The following PDIA6 variants were observed in gnomAD, a reference collection of about 807,000 sequenced individuals.
PDIA6 encodes the protein protein disulfide isomerase family A member 6.
A neutral mutation model predicts 58.4 loss-of-function variants in PDIA6; 29 were observed. The observed-to-expected ratio is 0.50, with a 90% CI of 0.37 to 0.68. The LOEUF (loss-of-function observed/expected upper bound fraction) is 0.68. Among genes scored for constraint, PDIA6 ranks in the 30% least tolerant of loss-of-function variants. The pLI is 0.00. For missense variants in PDIA6, 480 were observed against 551.0 expected, an observed-to-expected ratio of 0.87 and a Z score of 1.29; for synonymous variants, 192 against 202.6, an observed-to-expected ratio of 0.95 and a Z score of 0.44.
intron 1 of PDIA6, among the ~76,000 whole-genome samples, chr2:10,827,345 G>A (rs1009988730): frequency 6.6e-6 from 1 of 152,024 alleles, no homozygotes; most frequent in Non-Finnish European, 1.5e-5. Context: ...TTACAGGTGT[G>A]AGCCACCGCA....
At chr2:10,821,003 G>A (rs1002499198) in intron 1 of PDIA6, 2 of 598,944 alleles carry the variant, frequency 3.3e-6, no homozygotes, top group Admixed American at 2.6e-5. Context: ...GGCCCAGGAC[G>A]AAGGGGAGGG....
chr2:10,801,202 T>C (rs1454614533), intron 2 of PDIA6, among the ~76,000 whole-genome samples: 1 of 152,094 alleles, frequency 6.6e-6, no homozygotes, highest in African/African-American at 2.4e-5. Flanking sequence ...TACCTGAGCC[T>C]GAGAAATCAA....
rs951906281 is a variant in PDIA6, at chr2:10,783,561, T to C, written c.*697A>G. On this transcript the variant is annotated 3_prime_UTR_variant, in exon 13 of 13. Transcript: ENST00000272227. The stretch of plus-strand genomic sequence containing the variant: ...TCATGTCTTAACGGCTATTTTGAGG[T>C]TCATTAACAACATAGAAAGCCTTGA... The C allele has an allele frequency of 2.8e-5, 8 of 289,450 alleles. No homozygotes were observed. Among genetic ancestry groups the C allele is most frequent in the Non-Finnish European group, 5.3e-5 (8 of 150,962 alleles). The allele number at this position is 289,450 out of a possible 1,614,324, so 17.9% of individuals were successfully genotyped here. A position where few individuals can be genotyped will look rare whatever the true frequency, so the allele number is the denominator to read the frequency against.
chr2:10,790,829 C>T lies in PDIA6; in HGVS notation c.589G>A (p.Glu197Lys), dbSNP rs1666002232. 17 of 1,611,310 alleles carry T rather than the reference C, an allele frequency of 1.1e-5. No individual in the cohort carries two copies. The highest frequency in any genetic ancestry group is 1.4e-5 in the Non-Finnish European group (17 of 1,177,524). ...APWCGHCKNL[E>K]PEWAAAASEV... ...GAAGCTGCGGCAGCCCACTCTGGCT[C>T]TAGGCTATAGAAAAATATTCGTTTT... is the stretch of plus-strand genomic sequence containing the variant. Residue 197 changes from glutamate (E) to lysine (K), a missense_variant, in exon 7 of 13, where the codon GAG becomes AAG. Coordinates refer to ENST00000272227, the MANE Select transcript of PDIA6 (RefSeq NM_005742.4).
At chr2:10,825,278 G>GTC (rs71769478) in intron 1 of PDIA6, among the ~76,000 whole-genome samples, 20 of 24,774 alleles carry the variant, frequency 8.1e-4, no homozygotes, top group African/African-American at 2.2e-3. Flanking sequence ...CTCTCTCTCT[G>GTC]TCTCTCTCTC....
upstream of PDIA6, among the ~76,000 whole-genome samples, chr2:10,836,227 A>G (rs1003497677): frequency 1.3e-5 from 2 of 152,088 alleles, no homozygotes; most frequent in Non-Finnish European, 2.9e-5. Context: ...TCTTCCTGAA[A>G]TTCAGCCACA....
upstream of PDIA6, among the ~76,000 whole-genome samples, chr2:10,813,643 GC>G: frequency 6.7e-6 from 1 of 148,850 alleles, no homozygotes; most frequent in African/African-American, 2.5e-5. Context: ...AAATTTTTTT[GC>G]TTTTTTTTGA....
intron 1 of PDIA6, among the ~76,000 whole-genome samples, chr2:10,824,893 G>A (rs949998857): frequency 6.6e-6 from 1 of 152,164 alleles, no homozygotes; most frequent in Non-Finnish European, 1.5e-5. Flanking sequence ...TGATTGGATT[G>A]GAGGATGCAA....
chr2:10,803,411 C>T (rs1323427028), intron 1 of PDIA6, among the ~76,000 whole-genome samples: 1 of 152,254 alleles, frequency 6.6e-6, no homozygotes, highest in African/African-American at 2.4e-5. Flanking sequence ...CCTGCCTCGG[C>T]CTCCCAAAGT....
chr2:10,806,201 C>T (rs1666735331), intron 1 of PDIA6, among the ~76,000 whole-genome samples: 1 of 151,148 alleles, frequency 6.6e-6, no homozygotes, highest in Admixed American at 6.6e-5. Flanking sequence ...GACCCCCTCT[C>T]TAAAAAAAGT....
upstream of PDIA6, among the ~76,000 whole-genome samples, chr2:10,836,695 G>A (rs1359406399): frequency 6.6e-6 from 1 of 152,034 alleles, no homozygotes; most frequent in Non-Finnish European, 1.5e-5. Flanking sequence ...AAAGAAACCT[G>A]TGCCAATCTT....
chr2:10,809,878 G>A (rs1473999446), intron 1 of PDIA6, among the ~76,000 whole-genome samples: 3 of 152,098 alleles, frequency 2.0e-5, no homozygotes, highest in Admixed American at 1.3e-4. Context: ...TTTAATGGCT[G>A]AACCATTTAG....
intron 1 of PDIA6, chr2:10,820,716 T>C: frequency 1.4e-6 from 1 of 702,324 alleles, no homozygotes; most frequent in East Asian, 2.7e-5. Context: ...ACCTCCTGTA[T>C]CAGCGGCACC....
upstream of PDIA6, among the ~76,000 whole-genome samples, chr2:10,834,732 C>CTCCCTCCCTCCT (rs1217424185): frequency 2.4e-3 from 88 of 36,434 alleles, 1 homozygote; most frequent in African/African-American, 7.8e-3. Flanking sequence ...CCTTCCTTCC[C>CTCCCTCCCTCCT]TCCTTCCTTC....
chr2:10,817,575 T>TC (rs1208382147), upstream of PDIA6, among the ~76,000 whole-genome samples: 1 of 151,902 alleles, frequency 6.6e-6, no homozygotes, highest in East Asian at 1.9e-4. Flanking sequence ...ACCACACAGC[T>TC]CCCCCGGTGG....
exon 2 of PDIA6, chr2:10,819,287 C>A: frequency 6.5e-7 from 1 of 1,531,954 alleles, no homozygotes; most frequent in South Asian, 1.2e-5. Context: ...GTGCATTAGC[C>A]ATGGTGGTTG....
intron 2 of PDIA6, among the ~76,000 whole-genome samples, chr2:10,800,196 G>C (rs1013976267): frequency 1.3e-5 from 2 of 152,134 alleles, no homozygotes; most frequent in African/African-American, 4.8e-5. Context: ...CAGCTGTCAA[G>C]CCTGCTGCTG....
chr2:10,812,425 G>A (rs1667039491), intron 1 of PDIA6, among the ~76,000 whole-genome samples: 2 of 151,230 alleles, frequency 1.3e-5, no homozygotes, highest in Admixed American at 6.6e-5. Flanking sequence ...CCCCGCGCCC[G>A]GCTCCAGCGC....
chr2:10,801,995 C>T (rs1387708771), intron 2 of PDIA6, among the ~76,000 whole-genome samples: 5 of 152,172 alleles, frequency 3.3e-5, no homozygotes, highest in African/African-American at 1.2e-4. Flanking sequence ...TGCACAGTTT[C>T]CACTCTTCTA....
Sources: gnomAD v4.1 joint callset for allele counts (sites outside exome capture counted in the v4.1 genomes callset) on GRCh38, gnomAD v4.1.1 for gene constraint, MANE v1.5 for transcripts, NCBI Gene and HGNC (gene_info 2026-07-23, HGNC 2026-07-21) for gene names.